Variants in TYMS observed in about 807,000 individuals in gnomAD.
TYMS encodes thymidylate synthase.
Under a neutral mutation model 39.3 loss-of-function variants are expected in TYMS, and 21 were observed. The ratio of observed to expected loss-of-function variants is 0.54; its 90% CI spans 0.38 to 0.77. The LOEUF (loss-of-function observed/expected upper bound fraction) is 0.77, where lower values mean the gene tolerates loss of function less well. Ranked by LOEUF, TYMS falls within the 30% of genes least tolerant of loss-of-function variation. The pLI is 0.00. For missense variants in TYMS, 273 were observed against 406.7 expected, an observed-to-expected ratio of 0.67 and a Z score of 2.83; for synonymous variants, 171 against 162.2, an observed-to-expected ratio of 1.05 and a Z score of -0.41.
In TYMS at chr18:657,668, GTCCCGCCGCGCCACTTGGCCTGCCTCC is replaced by G. The variant is rs2074698656; in HGVS notation, c.-74_-48del. 1.6e-4 allele frequency: 46 copies of G among 290,720 alleles called. No individual in the cohort carries two copies. Among genetic ancestry groups the G allele is most frequent in the Admixed American group, 3.7e-4 (3 of 8,060 alleles). 18.0% of individuals were successfully genotyped at this position (290,720 alleles called of 1,614,324 possible). The stretch of plus-strand genomic sequence containing the variant: ...CCACCGCGCCACTTGGCCTGCCTCC[GTCCCGCCGCGCCACTTGGCCTGCCTCC>G]GTCCCGCCGCGCCACTTCGCCTGCC... On this transcript the variant is annotated 5_prime_UTR_variant, in exon 1 of 7. Coordinates refer to ENST00000323274, the MANE Select transcript of TYMS (RefSeq NM_001071.4).
At position 667,215 on chromosome 18, in the gene TYMS, A is replaced by AGATGGT. The variant is rs1229328111; in HGVS notation, c.455-1845_455-1840dup. 2.4e-4 allele frequency among the ~76,000 whole-genome samples: 6 copies of AGATGGT among 25,386 alleles called. 1 individual carries two copies. Among genetic ancestry groups the AGATGGT allele is most frequent in the African/African-American group, 1.8e-3 (5 of 2,734 alleles). The allele number at this position is 25,386 out of a possible 152,430, so 16.7% of individuals were successfully genotyped here. ...GAGATGGTGATGGTGATGGTGATGG[A>AGATGGT]GATGGTGATGGTGATGGAGATGGAG... On this transcript the variant is annotated intron_variant, in intron 3 of 6. Transcript: ENST00000323274.
rs936882141 is a variant in TYMS at position 662,220 on chromosome 18, G to A, written c.354G>A (p.Leu118=). Residue 118 remains leucine (L), a synonymous_variant, in exon 3 of 7, where the codon TTG becomes TTA. Transcript: ENST00000323274. ...IWDANGSRDF[L]DSLGFSTREE... ...ATGCCAATGGATCCCGAGACTTTTT[G>A]GACAGCCTGGGATTCTCCACCAGAG... The A allele has an allele frequency of 1.9e-6, 3 of 1,613,964 alleles. No homozygotes were observed. The highest frequency in any genetic ancestry group is 1.1e-5 in the South Asian group (1 of 91,054).
At chr18:670,535 CT>C in intron 4 of TYMS, 156 bp from the exon 5 acceptor site, 1 of 716,254 alleles carries the variant, frequency 1.4e-6, no homozygotes, top group South Asian at 1.9e-5. Flanking sequence ...CGTGCCATCG[CT>C]GCAGAGGCTG....
rs2074851952 is a variant in TYMS, at chr18:667,101, AGATGGAGATGGT to A, written c.455-1965_455-1954del. ...GAGATGGTGATGGTGATGGAGATGGAGATGGAGATGGTGATGGTGATGGTGATGGAGATGGTG... is the reference window on the plus strand; with the variant it reads ...GAGATGGTGATGGTGATGGAGATGGAGATGGTGATGGTGATGGAGATGGTG... On this transcript the variant is annotated intron_variant, in intron 3 of 6. Transcript: ENST00000323274. Among the ~76,000 whole-genome samples the A allele has an allele frequency of 1.1e-4, 2 of 18,284 alleles. 1 individual carries two copies. The highest frequency in any genetic ancestry group is 7.2e-4 in the African/African-American group (2 of 2,774). The allele number at this position is 18,284 out of a possible 152,430, so 12.0% of individuals were successfully genotyped here.
At chr18:662,932 G>C (rs200430951) in intron 3 of TYMS, among the ~76,000 whole-genome samples, 1 of 147,570 alleles carries the variant, frequency 6.8e-6, no homozygotes, top group East Asian at 2.0e-4. Context: ...CATTTGGGTT[G>C]GTTCCAAGTC....
Position 658,310 on chromosome 18 carries a change from G to A in TYMS, c.205+363G>A. 2 of 1,381,682 alleles carry A rather than the reference G, an allele frequency of 1.4e-6. No homozygotes were observed. Among genetic ancestry groups the A allele is most frequent in the South Asian group, 1.2e-5 (1 of 81,670 alleles). 85.6% of individuals were successfully genotyped at this position (1,381,682 alleles called of 1,614,324 possible). A position where few individuals can be genotyped will look rare whatever the true frequency, so the allele number is the denominator to read the frequency against. ...GCTGCCTGGGCTTGACCGCGCGCCG[G>A]TCTCAAAGTCCTGGCTTTGGCCCCT... On this transcript the variant is annotated intron_variant, in intron 1 of 6. Coordinates refer to ENST00000323274, the MANE Select transcript of TYMS (RefSeq NM_001071.4). The surrounding 1 kb of genome is among the most constrained non-coding windows in gnomAD (Gnocchi z 4.5).
At position 658,771 on chromosome 18, in the gene TYMS, T is replaced by G. The variant is rs970713426; in HGVS notation, c.205+824T>G. 4 of 192,562 alleles carry G rather than the reference T, an allele frequency of 2.1e-5. No homozygotes were observed. The highest frequency in any genetic ancestry group is 9.6e-5 in the African/African-American group (4 of 41,638). The allele number at this position is 192,562 out of a possible 1,614,324, so 11.9% of individuals were successfully genotyped here. The stretch of plus-strand genomic sequence containing the variant: ...AAGGTGTGTGAGCCAGGGGCTGACC[T>G]TGACCGCTCAGATAAATGGAGCGCA... On this transcript the variant is annotated intron_variant, in intron 1 of 6. Transcript: ENST00000323274. This position sits in a 1 kb window ranked among gnomAD's most constrained non-coding sequence, Gnocchi z 4.5.
chr18:659,021 G>T (rs906812988), intron 1 of TYMS, among the ~76,000 whole-genome samples: 3 of 152,172 alleles, frequency 2.0e-5, no homozygotes, highest in African/African-American at 7.2e-5. Flanking sequence ...ATGAGCCATA[G>T]ACCTCATTTT....
chr18:659,116 G>A (rs1567986223), intron 1 of TYMS, among the ~76,000 whole-genome samples: 1 of 152,190 alleles, frequency 6.6e-6, no homozygotes, highest in Non-Finnish European at 1.5e-5. Context: ...ATAATGCTTA[G>A]TAGGCAATTC....
At chr18:659,559 A>C in intron 1 of TYMS, 82 bp from the exon 2 acceptor site, 1 of 1,201,048 alleles carries the variant, frequency 8.3e-7, no homozygotes, top group Non-Finnish European at 1.2e-6. Flanking sequence ...CTCACGTCCC[A>C]GGGCAGTTTT....
intron 1 of TYMS, among the ~76,000 whole-genome samples, chr18:659,259 C>CT (rs1308323183): frequency 6.6e-6 from 1 of 152,168 alleles, no homozygotes; most frequent in African/African-American, 2.4e-5. Flanking sequence ...CTCGACACTT[C>CT]TGATGCCTCC....
chr18:673,379 A>C lies in TYMS; in HGVS notation c.*382A>C, dbSNP rs913035473. The C allele has an allele frequency of 2.6e-5, 6 of 227,056 alleles. No homozygotes were observed. Among genetic ancestry groups the C allele is most frequent in the Non-Finnish European group, 5.3e-5 (6 of 113,898 alleles). 14.1% of individuals were successfully genotyped at this position (227,056 alleles called of 1,614,324 possible). On this transcript the variant is annotated 3_prime_UTR_variant, in exon 7 of 7. Coordinates refer to ENST00000323274, the MANE Select transcript of TYMS (RefSeq NM_001071.4). ...GAATATTTTAAGAATTTCACAAGCT[A>C]TTCCCTCAAATCTGAGGGAGCTGAG...
chr18:666,365 C>T (rs988530832), intron 3 of TYMS, among the ~76,000 whole-genome samples: 1 of 151,994 alleles, frequency 6.6e-6, no homozygotes, highest in African/African-American at 2.4e-5. Context: ...TGCTGTGAAG[C>T]GCAGTGCCAG....
Position 667,029 on chromosome 18 carries a change from T to A in TYMS, c.455-2043T>A, listed in dbSNP as rs371001141. 7.1e-4 allele frequency among the ~76,000 whole-genome samples: 8 copies of A among 11,302 alleles called. 1 individual carries two copies. The highest frequency in any genetic ancestry group is 3.1e-3 in the South Asian group (1 of 322). The allele number at this position is 11,302 out of a possible 152,430, so 7.4% of individuals were successfully genotyped here. A position where few individuals can be genotyped will look rare whatever the true frequency, so the allele number is the denominator to read the frequency against. On this transcript the variant is annotated intron_variant, in intron 3 of 6. Coordinates refer to ENST00000323274, the MANE Select transcript of TYMS (RefSeq NM_001071.4). ...GTGATGGTGATGGAGATGGAGATGG[T>A]GATGGAGATGGTGATGGTGATGGAG...
intron 3 of TYMS, among the ~76,000 whole-genome samples, chr18:665,472 GATTC>G (rs2074801724): frequency 6.7e-6 from 1 of 148,232 alleles, no homozygotes; most frequent in Non-Finnish European, 1.5e-5. Flanking sequence ...CCAGCTCCTG[GATTC>G]ATTAATTTTT....
intron 6 of TYMS, 83 bp from the exon 7 acceptor site, chr18:672,777 T>C: frequency 1.4e-6 from 2 of 1,427,908 alleles, no homozygotes; most frequent in Non-Finnish European, 1.9e-6. Flanking sequence ...GATCACATCC[T>C]GTGTACTTGT....
chr18:670,496 T>C (rs886599976), intron 4 of TYMS, 196 bp from the exon 5 acceptor site: 5 of 588,506 alleles, frequency 8.5e-6, no homozygotes, highest in Admixed American at 6.2e-5. Context: ...TGCAGAAACC[T>C]TGCACCGATG....
rs927436436 is a variant in TYMS, at chr18:662,229, G to T, written c.363G>T (p.Leu121=). The T allele has an allele frequency of 2.5e-6, 4 of 1,614,104 alleles. No homozygotes were observed. Among genetic ancestry groups the T allele is most frequent in the Non-Finnish European group, 2.5e-6 (3 of 1,179,982 alleles). ...GATCCCGAGACTTTTTGGACAGCCT[G>T]GGATTCTCCACCAGAGAAGAAGGGG... The part of the protein sequence containing the change: ...ANGSRDFLDS[L]GFSTREEGDL... Residue 121 remains leucine, a synonymous_variant, in exon 3 of 7, where the codon CTG becomes CTT. Coordinates refer to ENST00000323274, the MANE Select transcript of TYMS (RefSeq NM_001071.4).
chr18:667,454 TGATGATGGA>T (rs1204043569), intron 3 of TYMS, among the ~76,000 whole-genome samples: 52 of 1,288 alleles, frequency 0.04, 17 homozygotes, highest in East Asian at 0.17. Flanking sequence ...ATGGTGATGG[TGATGATGGA>T]GATGGTGATG....
Sources: gnomAD v4.1 joint callset for allele counts (sites outside exome capture counted in the v4.1 genomes callset) on GRCh38, gnomAD v4.1.1 for gene constraint, Gnocchi (gnomAD v3.1) non-coding constraint, MANE v1.5 for transcripts, NCBI Gene and HGNC (gene_info 2026-07-23, HGNC 2026-07-21) for gene names.